The following DNM1 variants were observed in gnomAD, a reference collection of about 807,000 sequenced individuals.
DNM1 encodes dynamin 1, also known as dynamin-1.
DNM1 carries 29 observed loss-of-function variants against 104.6 expected under a neutral mutation model. The ratio of observed to expected loss-of-function variants is 0.28; its 90% CI spans 0.21 to 0.38. The LOEUF (loss-of-function observed/expected upper bound fraction) is 0.38. Ranked by LOEUF, DNM1 falls within the 10% of genes least tolerant of loss-of-function variation. The pLI is 1.00. For missense variants in DNM1, 640 were observed against 1,189.4 expected (o/e 0.54, Z 6.79); for synonymous variants, 445 against 475.8 (o/e 0.94, Z 0.84).
chr9:128,225,798 G>T (rs1835305241), intron 10 of DNM1, among the ~76,000 whole-genome samples: 1 of 152,090 alleles, frequency 6.6e-6, no homozygotes, highest in Non-Finnish European at 1.5e-5. Context: ...GAGCCCAGGG[G>T]ATGCTTGGCA....
chr9:128,219,884 G>A (rs1257913069), intron 4 of DNM1, 104 bp from the exon 5 acceptor site: 1 of 794,654 alleles, frequency 1.3e-6, no homozygotes, highest in African/African-American at 1.7e-5. Context: ...GAGGCAGTGA[G>A]CAGGCAGGGG....
chr9:128,235,531 A>G (rs1038261203), intron 11 of DNM1, among the ~76,000 whole-genome samples: 17 of 152,052 alleles, frequency 1.1e-4, no homozygotes, highest in Admixed American at 2.6e-4. Flanking sequence ...TAAGGCTTGA[A>G]TAATATTCCA....
intron 1 of DNM1, among the ~76,000 whole-genome samples, chr9:128,213,315 C>T (rs905171273): frequency 1.3e-5 from 2 of 152,194 alleles, no homozygotes; most frequent in African/African-American, 4.8e-5. Flanking sequence ...CTCCTGACCT[C>T]AGGCGATCCA....
chr9:128,220,313 C>T lies in DNM1; in HGVS notation c.821C>T (p.Thr274Met), dbSNP rs1284660372. Residue 274 changes from threonine to methionine, a missense_variant, in exon 6 of 22, where the codon ACG becomes ATG. By Grantham distance (81) the Thr-to-Met change is moderately conservative (BLOSUM62 -1). This residue lies in a region of DNM1 where 81 missense variants were observed against 99.8 expected (regional missense o/e 0.81). Transcript: ENST00000372923. This position sits in a 1 kb window ranked among gnomAD's most constrained non-coding sequence, Gnocchi z 5.2. ...CGCCACTTGGCTGACCGTATGGGCA[C>T]GCCCTACCTGCAGAAGGTCCTCAAT... The part of the protein sequence containing the change: ...SYRHLADRMG[T>M]PYLQKVLNQQ... The T allele has an allele frequency of 1.9e-5, 31 of 1,614,162 alleles. No homozygotes were observed. Among genetic ancestry groups the T allele is most frequent in the Non-Finnish European group, 2.5e-5 (29 of 1,180,048 alleles).
rs928768745 is a variant in DNM1 at position 128,224,178 on chromosome 9, G to T, written c.1197-73G>T. ...CAGGCAGAGTTCGTGGGCTTGGGGA[G>T]GAGCCTCGGCCTGGCCCTCCTGGCC... is the stretch of plus-strand genomic sequence containing the variant. On this transcript the variant is annotated intron_variant, in intron 9 of 21. Transcript: ENST00000372923. The surrounding 1 kb of genome is among the most constrained non-coding windows in gnomAD (Gnocchi z 4.3). 2.0e-6 allele frequency: 3 copies of T among 1,537,498 alleles called. No homozygotes were observed. The highest frequency in any genetic ancestry group is 2.6e-6 in the Non-Finnish European group (3 of 1,138,476).
In DNM1 at chr9:128,248,768, G is replaced by A; in HGVS notation, c.2076+15G>A. ...TGATTAACAATGTGCGTGCTCCACTGCATGGGGGCAGGGAAATCCTGTGGC... is the reference window on the plus strand; with the variant it reads ...TGATTAACAATGTGCGTGCTCCACTACATGGGGGCAGGGAAATCCTGTGGC... On this transcript the variant is annotated intron_variant, in intron 19 of 21. Transcript: ENST00000372923. The surrounding 1 kb of genome is among the most constrained non-coding windows in gnomAD (Gnocchi z 5.6). The A allele has an allele frequency of 6.2e-7, 1 of 1,606,558 alleles. No homozygotes were observed. Among genetic ancestry groups the A allele is most frequent in the Non-Finnish European group, 8.5e-7 (1 of 1,173,800 alleles).
intron 15 of DNM1, chr9:128,244,852 G>A (rs766140622): frequency 3.9e-6 from 2 of 518,504 alleles, no homozygotes; most frequent in Non-Finnish European, 8.0e-6. Flanking sequence ...AGCAGTGTCT[G>A]TCCATCCGGT....
Position 128,218,531 on chromosome 9 carries a change from G to C in DNM1, c.236-51G>C. 2 of 1,576,484 alleles carry C rather than the reference G, an allele frequency of 1.3e-6. No individual in the cohort carries two copies. Among genetic ancestry groups the C allele is most frequent in the South Asian group, 2.3e-5 (2 of 86,626 alleles). On this transcript the variant is annotated intron_variant, in intron 2 of 21. Coordinates refer to ENST00000372923, the MANE Select transcript of DNM1 (RefSeq NM_004408.4). This position sits in a 1 kb window ranked among gnomAD's most constrained non-coding sequence, Gnocchi z 4.8. ...GTGGGAGATGAAAACCCCCAGGTGGGGTTCCAGACCTTGATGCCTACTGCC... is the reference window on the plus strand; with the variant it reads ...GTGGGAGATGAAAACCCCCAGGTGGCGTTCCAGACCTTGATGCCTACTGCC...
At chr9:128,210,640 G>C (rs564226603) in intron 1 of DNM1, among the ~76,000 whole-genome samples, 304 of 152,286 alleles carry the variant, frequency 2.0e-3, no homozygotes, top group African/African-American at 7.0e-3. Flanking sequence ...TGGGAATACA[G>C]GTGTGAGCCA....
In DNM1 at chr9:128,254,647, C is replaced by T; in HGVS notation, c.2535-7C>T. On this transcript the variant is annotated splice_region_variant and splice_polypyrimidine_tract_variant and intron_variant, in intron 21 of 21. Transcript: ENST00000372923. This position sits in a 1 kb window ranked among gnomAD's most constrained non-coding sequence, Gnocchi z 6.1. Reference sequence around the variant, plus strand: ...CGTTTTCTCTCTGCTTTCTCTCCAACTGCCAGCCGATCGGGTCAGGCAAGT... The same window carrying T: ...CGTTTTCTCTCTGCTTTCTCTCCAATTGCCAGCCGATCGGGTCAGGCAAGT... 1 of 1,595,752 alleles carries T rather than the reference C, an allele frequency of 6.3e-7. No individual in the cohort carries two copies. Among genetic ancestry groups the T allele is most frequent in the South Asian group, 1.1e-5 (1 of 90,972 alleles).
At position 128,243,667 on chromosome 9, in the gene DNM1, G is replaced by A. The variant is rs1836546559; in HGVS notation, c.1671+1322G>A. Among the ~76,000 whole-genome samples, 1 of 152,182 alleles carries A rather than the reference G, an allele frequency of 6.6e-6. No individual in the cohort carries two copies. Among genetic ancestry groups the A allele is most frequent in the South Asian group, 2.1e-4 (1 of 4,828 alleles). ...CGGTCTCTCTGCAGGCTCCCTAGAT[G>A]CCCCCATGGGTTTGGGGTCTCCCAT... On this transcript the variant is annotated intron_variant, in intron 15 of 21. Transcript: ENST00000372923. This position sits in a 1 kb window ranked among gnomAD's most constrained non-coding sequence, Gnocchi z 4.0.
rs573418724 is a variant in DNM1 at position 128,243,174 on chromosome 9, T to G, written c.1671+829T>G. On this transcript the variant is annotated intron_variant, in intron 15 of 21. Coordinates refer to ENST00000372923, the MANE Select transcript of DNM1 (RefSeq NM_004408.4). The surrounding 1 kb of genome is among the most constrained non-coding windows in gnomAD (Gnocchi z 4.0). Reference sequence around the variant, plus strand: ...CCACAAAAAACCCCTCCCCGCCCACTAGGGTGCACAGAAGCCCCTGCCACC... The same window carrying G: ...CCACAAAAAACCCCTCCCCGCCCACGAGGGTGCACAGAAGCCCCTGCCACC... Among the ~76,000 whole-genome samples, 676 of 152,144 alleles carry G rather than the reference T, an allele frequency of 4.4e-3. 5 individuals carry two copies. Among genetic ancestry groups the G allele is most frequent in the African/African-American group, 0.015 (634 of 41,522 alleles).
Position 128,222,599 on chromosome 9 carries a change from A to G in DNM1, c.1128+3A>G. 1 of 1,614,038 alleles carries G rather than the reference A, an allele frequency of 6.2e-7. No individual in the cohort carries two copies. Among genetic ancestry groups the G allele is most frequent in the Non-Finnish European group, 8.5e-7 (1 of 1,179,962 alleles). On this transcript the variant is annotated splice_donor_region_variant and intron_variant, in intron 8 of 21. Coordinates refer to ENST00000372923, the MANE Select transcript of DNM1 (RefSeq NM_004408.4). The surrounding 1 kb of genome is among the most constrained non-coding windows in gnomAD (Gnocchi z 7.8). ...GCTTCCCTTTCGAGCTGGTCAAGGT[A>G]GGTCAGGCAGCCCTGGGGACAGGAT...
In DNM1 at chr9:128,253,392, G is replaced by A. The variant is rs1205728366; in HGVS notation, c.2535-1262G>A. 7 of 548,440 alleles carry A rather than the reference G, an allele frequency of 1.3e-5. No individual in the cohort carries two copies. The highest frequency in any genetic ancestry group is 3.8e-5 in the African/African-American group (2 of 52,642). 34.0% of individuals were successfully genotyped at this position (548,440 alleles called of 1,614,324 possible). The stretch of plus-strand genomic sequence containing the variant: ...TGGAGGCTCTTGGAACAGGCTCCGC[G>A]CCCAAGCTGGCAGACATGGGTGCTC... On this transcript the variant is annotated intron_variant, in intron 21 of 21. Transcript: ENST00000372923. The surrounding 1 kb of genome is among the most constrained non-coding windows in gnomAD (Gnocchi z 5.9).
intron 4 of DNM1, 54 bp downstream of exon 4, chr9:128,219,306 A>G (rs575793286): frequency 1.3e-6 from 2 of 1,494,156 alleles, no homozygotes; most frequent in African/African-American, 1.4e-5. Flanking sequence ...CAGGCTGTCT[A>G]TTCTTAGTGT....
rs755128194 is a variant in DNM1, at chr9:128,247,881, T to C, written c.1894-43T>C. 6.2e-7 allele frequency: 1 copy of C among 1,611,098 alleles called. No individual in the cohort carries two copies. Among genetic ancestry groups the C allele is most frequent in the South Asian group, 1.1e-5 (1 of 90,892 alleles). ...CTGTGTTTCCTTCGGCTGTGCTCCC[T>C]GGTGGTGGCGGCGGTGGCAATGTTG... On this transcript the variant is annotated intron_variant, in intron 17 of 21. Transcript: ENST00000372923. The surrounding 1 kb of genome is among the most constrained non-coding windows in gnomAD (Gnocchi z 5.1).
intron 10 of DNM1, chr9:128,226,303 C>A: frequency 7.2e-7 from 1 of 1,396,060 alleles, no homozygotes; most frequent in Non-Finnish European, 9.6e-7. Flanking sequence ...GTGTTTCCTG[C>A]CAGTTTCTAA....
At chr9:128,229,593 A>G (rs774647242) in intron 10 of DNM1, among the ~76,000 whole-genome samples, 3 of 113,030 alleles carry the variant, frequency 2.7e-5, no homozygotes, top group Non-Finnish European at 5.3e-5. Context: ...ACAGAGCAAA[A>G]CCTTATCAAA....
At chr9:128,210,186 A>G (rs1281639896) in intron 1 of DNM1, among the ~76,000 whole-genome samples, 1 of 151,906 alleles carries the variant, frequency 6.6e-6, no homozygotes, top group East Asian at 1.9e-4. Flanking sequence ...AGAAGCTGGG[A>G]TGACAGGCAT....
Sources: gnomAD v4.1 joint callset for allele counts (sites outside exome capture counted in the v4.1 genomes callset) on GRCh38, gnomAD v4.1.1 for gene constraint, gnomAD v4.1.1 regional missense constraint, Gnocchi (gnomAD v3.1) non-coding constraint, MANE v1.5 for transcripts, NCBI Gene and HGNC (gene_info 2026-07-23, HGNC 2026-07-21) for gene names.